TGFB2: variants seen among roughly 807,000 people sequenced by gnomAD.
TGFB2 encodes the protein transforming growth factor beta-2 proprotein.
Under a neutral mutation model 42.7 loss-of-function variants are expected in TGFB2, and 13 were observed. The ratio of observed to expected loss-of-function variants is 0.30; its 90% CI spans 0.20 to 0.48. TGFB2 has a LOEUF of 0.48. TGFB2 is among the 20% of genes least tolerant of loss of function. The pLI, the probability that TGFB2 is intolerant of heterozygous loss-of-function variation, is 0.99. For synonymous variants in TGFB2, 193 were observed against 193.6 expected, an observed-to-expected ratio of 1.00 and a Z score of 0.03; for missense variants, 390 against 517.5, an observed-to-expected ratio of 0.75 and a Z score of 2.39.
In TGFB2 at chr1:218,441,383, G is replaced by A. The variant is rs778452299; in HGVS notation, c.*21G>A. 1.3e-5 allele frequency: 21 copies of A among 1,592,380 alleles called. No individual in the cohort carries two copies. The Admixed American group carries it at 3.7e-4, about 28-fold the overall frequency. ...GCTAAAATTCTTGGAAAAGTGGCAA[G>A]ACCAAAATGACAATGATGATGATAA... is the stretch of plus-strand genomic sequence containing the variant. On this transcript the variant is annotated 3_prime_UTR_variant, in exon 7 of 7. Transcript: ENST00000366930.
chr1:218,430,079 G>A (rs935940792), intron 2 of TGFB2, among the ~76,000 whole-genome samples: 1 of 152,058 alleles, frequency 6.6e-6, no homozygotes, highest in Non-Finnish European at 1.5e-5. Context: ...AGTTAAGAGA[G>A]CTTCTACTAT....
intron 2 of TGFB2, among the ~76,000 whole-genome samples, chr1:218,418,662 G>A (rs1392631341): frequency 6.6e-6 from 1 of 152,144 alleles, no homozygotes; most frequent in Non-Finnish European, 1.5e-5. Context: ...ATCTCATCTT[G>A]AATTTCCATG....
chr1:218,387,706 C>T (rs1185643220), intron 1 of TGFB2, among the ~76,000 whole-genome samples: 1 of 152,174 alleles, frequency 6.6e-6, no homozygotes, highest in Non-Finnish European at 1.5e-5. Flanking sequence ...ATCTTAAATC[C>T]CTTCACAGCT....
At chr1:218,431,642 G>A (rs1398806852) in intron 2 of TGFB2, among the ~76,000 whole-genome samples, 1 of 152,210 alleles carries the variant, frequency 6.6e-6, no homozygotes, top group African/African-American at 2.4e-5. Context: ...GTGCTAATTA[G>A]CAGCACAGAA....
At chr1:218,422,209 G>GT (rs1412571117) in intron 2 of TGFB2, among the ~76,000 whole-genome samples, 24 of 150,818 alleles carry the variant, frequency 1.6e-4, no homozygotes, top group East Asian at 1.2e-3. Context: ...TGTTTTTTTT[G>GT]TTTTTTTGTT....
rs552070798 is a variant in TGFB2, at chr1:218,433,992, T to C, written c.511-90T>C. 558 of 1,528,276 alleles carry C rather than the reference T, an allele frequency of 3.7e-4. 7 individuals carry two copies. The South Asian group carries it at 6.5e-3, about 18-fold the overall frequency. The allele number at this position is 1,528,276 out of a possible 1,614,324, so 94.7% of individuals were successfully genotyped here. A position where few individuals can be genotyped will look rare whatever the true frequency, so the allele number is the denominator to read the frequency against. The stretch of plus-strand genomic sequence containing the variant: ...ATACTACAGTAGAGCTAAATTTAGG[T>C]AATGAATTAGAACACTGTTAATAGT... On this transcript the variant is annotated intron_variant, in intron 2 of 6. Transcript: ENST00000366930.
chr1:218,423,449 T>C (rs2102614943), intron 2 of TGFB2, among the ~76,000 whole-genome samples: 1 of 151,976 alleles, frequency 6.6e-6, no homozygotes, highest in Admixed American at 6.6e-5. Context: ...TAGTTTAGAG[T>C]GAAAGTAAGC....
At chr1:218,351,115 T>C (rs1656854678) in intron 1 of TGFB2, among the ~76,000 whole-genome samples, 1 of 152,230 alleles carries the variant, frequency 6.6e-6, no homozygotes, top group Non-Finnish European at 1.5e-5. Context: ...AATGACACTA[T>C]GGTTTTGGGG....
Position 218,444,129 on chromosome 1 carries a change from C to G in TGFB2, c.*2767C>G, listed in dbSNP as rs1198487509. 1 of 152,146 alleles carries G rather than the reference C, an allele frequency of 6.6e-6. No homozygotes were observed. Among genetic ancestry groups the G allele is most frequent in the Non-Finnish European group, 1.5e-5 (1 of 68,038 alleles). 9.4% of individuals were successfully genotyped at this position (152,146 alleles called of 1,614,324 possible). The stretch of plus-strand genomic sequence containing the variant: ...CTGTGCTTTCTCCCTTAAGGACAGT[C>G]ACTTCAGAAGTCATGCTTTAAAGCA... On this transcript the variant is annotated 3_prime_UTR_variant, in exon 7 of 7. Coordinates refer to ENST00000366930, the MANE Select transcript of TGFB2 (RefSeq NM_003238.6).
intron 2 of TGFB2, among the ~76,000 whole-genome samples, chr1:218,420,543 G>GT (rs397972896): frequency 0.016 from 2,390 of 146,664 alleles, 46 homozygotes; most frequent in African/African-American, 0.051. Context: ...CATCTGTAAA[G>GT]TTTTTTTTTT....
chr1:218,364,526 A>G (rs1657324522), intron 1 of TGFB2, among the ~76,000 whole-genome samples: 1 of 152,222 alleles, frequency 6.6e-6, no homozygotes, highest in South Asian at 2.1e-4. Flanking sequence ...CAATCCTGGC[A>G]TTGGTTCACT....
chr1:218,422,202 TTTTTTTG>T (rs1317681084), intron 2 of TGFB2, among the ~76,000 whole-genome samples: 6 of 151,748 alleles, frequency 4.0e-5, no homozygotes, highest in African/African-American at 1.5e-4. Context: ...TTCTTCTTGT[TTTTTTTG>T]TTTTTTTGTT....
intron 4 of TGFB2, 32 bp from the exon 5 acceptor site, chr1:218,435,938 A>C (rs1188337569): frequency 6.3e-7 from 1 of 1,575,768 alleles, no homozygotes; most frequent in Non-Finnish European, 8.6e-7. Flanking sequence ...AGGTGAAGCT[A>C]AATGTTTATT....
chr1:218,381,731 G>A (rs1209051768), intron 1 of TGFB2, among the ~76,000 whole-genome samples: 7 of 152,140 alleles, frequency 4.6e-5, no homozygotes, highest in Admixed American at 4.6e-4. Context: ...TTCCTAAAAG[G>A]GAAGGGGATT....
At chr1:218,429,334 G>T (rs776422553) in intron 2 of TGFB2, among the ~76,000 whole-genome samples, 22 of 152,102 alleles carry the variant, frequency 1.4e-4, no homozygotes, top group Non-Finnish European at 2.8e-4. Context: ...TTTTGTAAGT[G>T]GAATCACAAT....
At chr1:218,405,468 G>T (rs746709384) in intron 2 of TGFB2, 136 bp downstream of exon 2, 1 of 1,463,424 alleles carries the variant, frequency 6.8e-7, no homozygotes, top group Non-Finnish European at 9.4e-7. Context: ...GGGTTCAAAC[G>T]ATCCGCTTGC....
rs770902893 is a variant in TGFB2, at chr1:218,405,126, A to G, written c.347-43A>G. On this transcript the variant is annotated intron_variant, in intron 1 of 6. Coordinates refer to ENST00000366930, the MANE Select transcript of TGFB2 (RefSeq NM_003238.6). ...ACGCTACAGTCTTCTCTGAAAGCACAATGGATTTTATCATTTTCAATGATT... is the reference window on the plus strand; with the variant it reads ...ACGCTACAGTCTTCTCTGAAAGCACGATGGATTTTATCATTTTCAATGATT... The G allele has an allele frequency of 3.2e-6, 5 of 1,538,622 alleles. No individual in the cohort carries two copies. In the African/African-American group the frequency reaches 6.9e-5, roughly 21 times the overall value.
At chr1:218,347,196 T>C (rs892577954) in intron 1 of TGFB2, 149 bp downstream of exon 1, 3 of 668,728 alleles carry the variant, frequency 4.5e-6, no homozygotes, top group Non-Finnish European at 7.7e-6. Flanking sequence ...CACCTCCTTT[T>C]CAGTTGTATG....
At chr1:218,421,578 G>T (rs1934852) in intron 2 of TGFB2, among the ~76,000 whole-genome samples, 57,033 of 151,842 alleles carry the variant, frequency 0.38, 11,623 homozygotes, top group East Asian at 0.71. Flanking sequence ...TAGTTAGATT[G>T]AGCATTATAC....
Sources: allele counts gnomAD v4.1 joint callset (sites outside exome capture counted in the v4.1 genomes callset), GRCh38; gene constraint gnomAD v4.1.1; transcripts MANE v1.5; gene names NCBI Gene and HGNC (gene_info 2026-07-23, HGNC 2026-07-21).